ELMO1: variants seen among roughly 807,000 people sequenced by gnomAD.
ELMO1 encodes the protein engulfment and cell motility protein 1.
In ELMO1, 26 loss-of-function variants were observed where a neutral mutation model predicts 98.9. The ratio of observed to expected loss-of-function variants is 0.26; its 90% CI spans 0.19 to 0.36. ELMO1 has a LOEUF of 0.36. Ranked by LOEUF, ELMO1 falls within the 10% of genes least tolerant of loss-of-function variation. The probability of loss-of-function intolerance (pLI) is 1.00; values close to 1 mark genes in which losing one functional copy is unlikely to be tolerated. For synonymous variants in ELMO1, 346 were observed against 346.0 expected, an observed-to-expected ratio of 1.00 and a Z score of 0.00; for missense variants, 627 against 935.2, an observed-to-expected ratio of 0.67 and a Z score of 4.30.
chr7:37,323,739 A>G (rs1284379311), intron 2 of ELMO1, among the ~76,000 whole-genome samples: 1 of 151,928 alleles, frequency 6.6e-6, no homozygotes, highest in Non-Finnish European at 1.5e-5. Context: ...TTTCCTTTCT[A>G]TATTCTTTTT....
intron 14 of ELMO1, among the ~76,000 whole-genome samples, chr7:37,115,074 C>T (rs1036254486): frequency 6.6e-6 from 1 of 152,092 alleles, no homozygotes; most frequent in Non-Finnish European, 1.5e-5. Flanking sequence ...TCTGAAGAGA[C>T]CTATATCTAT....
chr7:37,200,096 T>C (rs781112249), intron 13 of ELMO1, among the ~76,000 whole-genome samples: 1 of 152,090 alleles, frequency 6.6e-6, no homozygotes, highest in Non-Finnish European at 1.5e-5. Flanking sequence ...CACAGACAGA[T>C]AGGGTTTCGC....
intron 1 of ELMO1, among the ~76,000 whole-genome samples, chr7:37,392,029 A>C (rs1394343095): frequency 1.3e-5 from 2 of 152,212 alleles, no homozygotes; most frequent in Non-Finnish European, 2.9e-5. Context: ...CAGCAGGGAG[A>C]CACACTGTTC....
At chr7:37,300,888 C>T (rs1413506462) in intron 4 of ELMO1, among the ~76,000 whole-genome samples, 1 of 152,116 alleles carries the variant, frequency 6.6e-6, no homozygotes, top group African/African-American at 2.4e-5. Context: ...GCTGTGAAGC[C>T]ATCTGGTCCT....
chr7:36,989,812 T>C (rs1791752481), intron 16 of ELMO1, among the ~76,000 whole-genome samples: 1 of 152,208 alleles, frequency 6.6e-6, no homozygotes, highest in African/African-American at 2.4e-5. Context: ...ATACAGATGT[T>C]ATTAGAACCA....
chr7:37,219,973 C>A (rs1292638294), intron 10 of ELMO1, among the ~76,000 whole-genome samples: 1 of 152,166 alleles, frequency 6.6e-6, no homozygotes, highest in African/African-American at 2.4e-5. Flanking sequence ...ACAATGCCAA[C>A]GTCAAATTCA....
chr7:36,886,804 T>G (rs1181005048), intron 18 of ELMO1, among the ~76,000 whole-genome samples: 1 of 152,210 alleles, frequency 6.6e-6, no homozygotes, highest in Non-Finnish European at 1.5e-5. Flanking sequence ...CCATTTGAAT[T>G]TGACATTTTG....
chr7:37,159,685 C>A (rs887305187), intron 13 of ELMO1, among the ~76,000 whole-genome samples: 2 of 151,660 alleles, frequency 1.3e-5, no homozygotes, highest in African/African-American at 4.8e-5. Flanking sequence ...GGTGACACAG[C>A]GAGACTCTGT....
chr7:37,427,019 G>A (rs901231847), intron 1 of ELMO1, among the ~76,000 whole-genome samples: 4 of 149,698 alleles, frequency 2.7e-5, no homozygotes, highest in East Asian at 2.0e-4. Flanking sequence ...CTTTTTTCCC[G>A]AAAAAAAGAA....
chr7:36,904,483 A>G (rs1783814444), intron 16 of ELMO1, among the ~76,000 whole-genome samples: 1 of 151,998 alleles, frequency 6.6e-6, no homozygotes, highest in South Asian at 2.1e-4. Context: ...CCCCTAAATA[A>G]CTAGTTATGC....
chr7:37,037,803 G>T (rs1795279430), intron 15 of ELMO1, among the ~76,000 whole-genome samples: 1 of 152,136 alleles, frequency 6.6e-6, no homozygotes, highest in South Asian at 2.1e-4. Context: ...ATACTGAGAT[G>T]CACACACAGA....
At chr7:36,881,311 C>T (rs184556945) in intron 18 of ELMO1, among the ~76,000 whole-genome samples, 8 of 152,242 alleles carry the variant, frequency 5.3e-5, no homozygotes, top group South Asian at 2.1e-4. Context: ...CAGCACAGTG[C>T]GTCGACATGT....
intron 1 of ELMO1, among the ~76,000 whole-genome samples, chr7:37,391,880 A>C (rs1803093384): frequency 6.6e-6 from 1 of 152,210 alleles, no homozygotes; most frequent in Non-Finnish European, 1.5e-5. Flanking sequence ...TCTGTGCAAG[A>C]AAGAGCAGCA....
chr7:37,211,551 G>T, intron 12 of ELMO1, 34 bp from the exon 13 acceptor site: 1 of 1,606,480 alleles, frequency 6.2e-7, no homozygotes, highest in South Asian at 1.1e-5. Flanking sequence ...GAAAAGGGAG[G>T]GGAAAAAGCT....
At chr7:37,343,967 C>G (rs1189851997) in intron 1 of ELMO1, among the ~76,000 whole-genome samples, 3 of 151,748 alleles carry the variant, frequency 2.0e-5, no homozygotes, top group African/African-American at 7.3e-5. Context: ...AAACTTTCTT[C>G]AAGTATAGAA....
intron 7 of ELMO1, among the ~76,000 whole-genome samples, chr7:37,240,736 T>C (rs1436928023): frequency 6.6e-6 from 1 of 152,220 alleles, no homozygotes; most frequent in Non-Finnish European, 1.5e-5. Flanking sequence ...GACTCTTTGA[T>C]AGTATGAAAG....
intron 1 of ELMO1, among the ~76,000 whole-genome samples, chr7:37,428,901 T>C (rs1312869336): frequency 6.6e-6 from 1 of 152,234 alleles, no homozygotes; most frequent in African/African-American, 2.4e-5. Flanking sequence ...GTGATGCAAA[T>C]AGTGTGGGAT....
chr7:37,292,739 G>A (rs1278104238), intron 4 of ELMO1, among the ~76,000 whole-genome samples: 1 of 108,370 alleles, frequency 9.2e-6, no homozygotes, highest in Non-Finnish European at 2.1e-5. Flanking sequence ...AGGGAGGTGG[G>A]GGGGTCAGCC....
At chr7:36,928,267 AT>A (rs1401853051) in intron 16 of ELMO1, among the ~76,000 whole-genome samples, 1 of 152,140 alleles carries the variant, frequency 6.6e-6, no homozygotes, top group African/African-American at 2.4e-5. Context: ...CAAGAATAGG[AT>A]TATTTTAAAA....
Sources: allele counts gnomAD v4.1 joint callset (sites outside exome capture counted in the v4.1 genomes callset), GRCh38; gene constraint gnomAD v4.1.1; transcripts MANE v1.5; gene names NCBI Gene and HGNC (gene_info 2026-07-23, HGNC 2026-07-21).